The following CCDC12 variants were observed in gnomAD, a reference collection of about 807,000 sequenced individuals.
CCDC12 encodes the protein coiled-coil domain-containing protein 12.
Under a neutral mutation model 25.7 loss-of-function variants are expected in CCDC12, and 28 were observed. The observed-to-expected ratio is 1.09, with a 90% CI of 0.81 to 1.50. The LOEUF (loss-of-function observed/expected upper bound fraction) is 1.50, where lower values mean the gene tolerates loss of function less well. Among genes scored for constraint, CCDC12 ranks in the 40% most tolerant of loss-of-function variants. The pLI is 0.00. For synonymous variants in CCDC12, 75 were observed against 87.7 expected, an observed-to-expected ratio of 0.86 and a Z score of 0.81; for missense variants, 198 against 210.0, an observed-to-expected ratio of 0.94 and a Z score of 0.35.
chr3:46,940,130 C>T (rs1234771059), intron 2 of CCDC12, among the ~76,000 whole-genome samples: 3 of 152,172 alleles, frequency 2.0e-5, no homozygotes, highest in South Asian at 2.1e-4. Context: ...ACTGCTGACA[C>T]GGGAGTGGTA....
chr3:46,953,015 T>C (rs2034176596), intron 1 of CCDC12, among the ~76,000 whole-genome samples: 1 of 152,146 alleles, frequency 6.6e-6, no homozygotes, highest in African/African-American at 2.4e-5. Flanking sequence ...GTGTCTAGGG[T>C]GCCTCCATCT....
chr3:46,930,653 CCA>C (rs1157165894), intron 2 of CCDC12, among the ~76,000 whole-genome samples: 1 of 152,206 alleles, frequency 6.6e-6, no homozygotes. Context: ...CTCAGGGACC[CCA>C]GTGTCCCCAA....
chr3:46,956,083 CAAAT>C (rs1412421720), intron 1 of CCDC12, among the ~76,000 whole-genome samples: 1 of 152,238 alleles, frequency 6.6e-6, no homozygotes, highest in Admixed American at 6.5e-5. Flanking sequence ...AAAATTCTCT[CAAAT>C]AAACAGCCCT....
chr3:46,976,375 G>A, intron 1 of CCDC12: 1 of 1,383,018 alleles, frequency 7.2e-7, no homozygotes, highest in Non-Finnish European at 9.4e-7. Flanking sequence ...CGGGAAGCAG[G>A]AGTCAGATGG....
At chr3:46,978,967 A>G (rs1241479588), upstream of CCDC12, among the ~76,000 whole-genome samples, 1 of 152,154 alleles carries the variant, frequency 6.6e-6, no homozygotes, top group Non-Finnish European at 1.5e-5. Flanking sequence ...TGGGCGACAG[A>G]GTGAGACTCT....
chr3:46,980,412 T>C (rs371102442), upstream of CCDC12, among the ~76,000 whole-genome samples: 8 of 152,060 alleles, frequency 5.3e-5, no homozygotes, highest in East Asian at 1.2e-3. Context: ...AGGGGAATGC[T>C]CCCACTTCAG....
At chr3:46,935,764 G>A (rs2033418274) in intron 2 of CCDC12, among the ~76,000 whole-genome samples, 2 of 152,162 alleles carry the variant, frequency 1.3e-5, no homozygotes. Context: ...CACAGAGCCT[G>A]GGCTGGTGGA....
rs774620851 is a variant in CCDC12 at position 46,923,315 on chromosome 3, C to G, written c.341+14G>C. The G allele has an allele frequency of 6.8e-7, 1 of 1,478,070 alleles. No individual in the cohort carries two copies. Among genetic ancestry groups the G allele is most frequent in the Middle Eastern group, 2.5e-4 (1 of 4,020 alleles). 91.6% of individuals were successfully genotyped at this position (1,478,070 alleles called of 1,614,324 possible). ...CGAGTCAGCCTGCACCCGCCACGCA[C>G]GGGCAACACTCACCAGTCAGGCTTC... On this transcript the variant is annotated intron_variant, in intron 5 of 6. Transcript: ENST00000683445.
At position 46,921,939 on chromosome 3, in the gene CCDC12, C is replaced by T. The variant is rs1575532280; in HGVS notation, c.*118G>A. On this transcript the variant is annotated 3_prime_UTR_variant, in exon 7 of 7. Transcript: ENST00000683445. ...CCATGGGGGTTTCAGACTTGATGGG[C>T]AGGGAGTCTCTGCTCAGAAGCCAAA... The T allele has an allele frequency of 9.5e-7, 1 of 1,053,466 alleles. No individual in the cohort carries two copies. Among genetic ancestry groups the T allele is most frequent in the South Asian group, 1.5e-5 (1 of 67,210 alleles). 65.3% of individuals were successfully genotyped at this position (1,053,466 alleles called of 1,614,324 possible).
At chr3:46,979,373 T>G (rs1194089430), upstream of CCDC12, 1 of 152,772 alleles carries the variant, frequency 6.5e-6, no homozygotes, top group African/African-American at 2.4e-5. Flanking sequence ...CCTCGCCACC[T>G]CCACGCGGCC....
upstream of CCDC12, among the ~76,000 whole-genome samples, chr3:46,978,999 C>T (rs2035116312): frequency 2.0e-5 from 3 of 152,058 alleles, no homozygotes. Flanking sequence ...AAACAAAAAA[C>T]AGAGCCATGA....
intron 1 of CCDC12, among the ~76,000 whole-genome samples, chr3:46,961,249 C>T (rs2034454535): frequency 6.6e-6 from 1 of 152,074 alleles, no homozygotes; most frequent in Non-Finnish European, 1.5e-5. Flanking sequence ...TCTCCAGAAA[C>T]AAAAATATGA....
At chr3:46,953,909 G>A (rs192911942) in intron 1 of CCDC12, among the ~76,000 whole-genome samples, 19 of 152,220 alleles carry the variant, frequency 1.2e-4, no homozygotes, top group East Asian at 1.9e-4. Flanking sequence ...CCTTTTCTTG[G>A]AGGGGAAAAA....
At chr3:46,929,904 G>A (rs1035363564) in intron 2 of CCDC12, among the ~76,000 whole-genome samples, 8 of 151,756 alleles carry the variant, frequency 5.3e-5, no homozygotes, top group Admixed American at 4.6e-4. Context: ...GGTGGCGGGT[G>A]CCTGTAATCC....
intron 2 of CCDC12, among the ~76,000 whole-genome samples, chr3:46,936,152 G>T (rs1165258231): frequency 6.6e-6 from 1 of 152,130 alleles, no homozygotes; most frequent in Non-Finnish European, 1.5e-5. Flanking sequence ...CAGTGTATCT[G>T]GTTAGACAAA....
intron 5 of CCDC12, 71 bp downstream of exon 5, chr3:46,923,258 A>T: frequency 1.4e-6 from 2 of 1,394,762 alleles, no homozygotes; most frequent in Non-Finnish European, 1.9e-6. Flanking sequence ...GGAAGGGCCA[A>T]GCCCCAGGCC....
At chr3:46,935,800 T>A (rs1407547781) in intron 2 of CCDC12, among the ~76,000 whole-genome samples, 2 of 152,188 alleles carry the variant, frequency 1.3e-5, no homozygotes, top group Non-Finnish European at 2.9e-5. Context: ...TCCCACCCAA[T>A]GGGGATTTGG....
At chr3:46,973,585 G>GT (rs765721437) in intron 1 of CCDC12, among the ~76,000 whole-genome samples, 6 of 149,138 alleles carry the variant, frequency 4.0e-5, no homozygotes, top group Non-Finnish European at 8.9e-5. Context: ...ACTCAAACAG[G>GT]TATCTGTACT....
At chr3:46,980,347 G>A (rs62246379), upstream of CCDC12, among the ~76,000 whole-genome samples, 20,190 of 152,184 alleles carry the variant, frequency 0.13, 1,771 homozygotes, top group Non-Finnish European at 0.2. Flanking sequence ...GGCCTGATTG[G>A]GTGGTCGTGG....
Sources: allele counts gnomAD v4.1 joint callset (sites outside exome capture counted in the v4.1 genomes callset), GRCh38; gene constraint gnomAD v4.1.1; transcripts MANE v1.5; gene names NCBI Gene and HGNC (gene_info 2026-07-23, HGNC 2026-07-21).